ADK: variants seen among roughly 807,000 people sequenced by gnomAD.
ADK encodes the protein N6,N6-dimethyladenosine kinase.
ADK carries 24 observed loss-of-function variants against 44.7 expected under a neutral mutation model. The observed-to-expected ratio is 0.54, with a 90% CI of 0.39 to 0.76. The LOEUF (loss-of-function observed/expected upper bound fraction) is 0.76. Ranked by LOEUF, ADK falls within the 30% of genes least tolerant of loss-of-function variation. The pLI, the probability that ADK is intolerant of heterozygous loss-of-function variation, is 0.00. For synonymous variants in ADK, 128 were observed against 142.6 expected, an observed-to-expected ratio of 0.90 and a Z score of 0.73; for missense variants, 321 against 425.1, an observed-to-expected ratio of 0.76 and a Z score of 2.15.
chr10:74,339,861 T>C (rs1203397035), intron 4 of ADK, among the ~76,000 whole-genome samples: 1 of 152,180 alleles, frequency 6.6e-6, no homozygotes, highest in Non-Finnish European at 1.5e-5. Flanking sequence ...ATAAATCACT[T>C]TCACAGATTT....
intron 4 of ADK, among the ~76,000 whole-genome samples, chr10:74,384,397 C>T (rs1198783723): frequency 6.6e-6 from 1 of 152,248 alleles, no homozygotes; most frequent in African/African-American, 2.4e-5. Flanking sequence ...AGGCTGGGCA[C>T]GGTTGCTCAC....
chr10:74,333,790 ATAAT>A (rs1841313969), intron 4 of ADK, among the ~76,000 whole-genome samples: 3 of 152,180 alleles, frequency 2.0e-5, no homozygotes, highest in South Asian at 4.1e-4. Flanking sequence ...ATCTGAAAGT[ATAAT>A]TAATTAACCT....
chr10:74,206,463 A>G (rs960367235), intron 2 of ADK, among the ~76,000 whole-genome samples: 3 of 152,206 alleles, frequency 2.0e-5, no homozygotes, highest in Non-Finnish European at 4.4e-5. Context: ...GCTACTGGAT[A>G]AAACTGTTTT....
intron 3 of ADK, among the ~76,000 whole-genome samples, chr10:74,264,564 C>T (rs912017700): frequency 2.0e-5 from 3 of 151,986 alleles, no homozygotes; most frequent in African/African-American, 7.2e-5. Context: ...TGCCATATAT[C>T]TGTGCCTAGT....
At chr10:74,427,743 G>GTT (rs1465470433) in intron 6 of ADK, among the ~76,000 whole-genome samples, 6 of 151,984 alleles carry the variant, frequency 3.9e-5, no homozygotes, top group Non-Finnish European at 7.4e-5. Context: ...GTGTGTGTGT[G>GTT]TGTGTGTGTG....
chr10:74,635,224 G>T (rs1208057700), intron 9 of ADK, among the ~76,000 whole-genome samples: 1 of 152,186 alleles, frequency 6.6e-6, no homozygotes, highest in Non-Finnish European at 1.5e-5. Context: ...AAGATGAAGA[G>T]AAGATATTGA....
At chr10:74,274,947 T>C (rs1846615329) in intron 3 of ADK, among the ~76,000 whole-genome samples, 1 of 151,278 alleles carries the variant, frequency 6.6e-6, no homozygotes, top group South Asian at 2.1e-4. Flanking sequence ...TACAGAAGCT[T>C]ATACACCCCC....
chr10:74,285,115 T>A (rs187035999), intron 3 of ADK, among the ~76,000 whole-genome samples: 1 of 152,366 alleles, frequency 6.6e-6, no homozygotes, highest in Admixed American at 6.5e-5. Flanking sequence ...CTCAGAATTC[T>A]GAGGACTCAC....
intron 4 of ADK, among the ~76,000 whole-genome samples, chr10:74,351,503 C>T (rs559657997): frequency 1.3e-5 from 2 of 152,146 alleles, no homozygotes; most frequent in South Asian, 2.1e-4. Flanking sequence ...CTTTGAAAAC[C>T]AGCACAGACA....
At chr10:74,491,103 A>G (rs1847466867) in intron 6 of ADK, among the ~76,000 whole-genome samples, 1 of 152,138 alleles carries the variant, frequency 6.6e-6, no homozygotes, top group Admixed American at 6.6e-5. Context: ...TGTCGATTAA[A>G]TATTAAATAC....
rs1209669270 is a variant in ADK at position 74,525,385 on chromosome 10, A to T, written c.685A>T (p.Lys229Ter). 2 of 1,613,638 alleles carry T rather than the reference A, an allele frequency of 1.2e-6. No homozygotes were observed. Among genetic ancestry groups the T allele is most frequent in the Non-Finnish European group, 8.5e-7 (1 of 1,179,860 alleles). The stretch of plus-strand genomic sequence containing the variant: ...CCAGTTCTACAAGGAATCATTGATG[A>T]AAGTTATGCCTTATGTTGATATACT... Reference protein sequence around the residue: ...ISQFYKESLMKVMPYVDILFG... With the variant: ...ISQFYKESLM The change falls in exon 7 of 11, where the codon AAA (lysine) becomes TAA (stop). Residue 229 changes from lysine to a stop codon, truncating the protein, a stop_gained. Transcript: ENST00000539909. LOFTEE classifies it high-confidence loss of function.
chr10:74,679,380 A>G (rs1282398135), intron 10 of ADK, among the ~76,000 whole-genome samples: 2 of 152,178 alleles, frequency 1.3e-5, no homozygotes, highest in Non-Finnish European at 2.9e-5. Flanking sequence ...GAGGGAGTTC[A>G]GTTTTCTTTC....
intron 9 of ADK, among the ~76,000 whole-genome samples, chr10:74,623,092 T>C (rs1225101939): frequency 1.3e-5 from 2 of 152,202 alleles, no homozygotes; most frequent in African/African-American, 2.4e-5. Context: ...TGTTAACTCA[T>C]TGGCTTACAT....
chr10:74,195,692 C>CTTTTCTTTTTTTTTTTT (rs1564585525), intron 1 of ADK, among the ~76,000 whole-genome samples: 1 of 115,242 alleles, frequency 8.7e-6, no homozygotes, highest in African/African-American at 3.7e-5. Flanking sequence ...TTCTTTCTTT[C>CTTTTCTTTTTTTTTTTT]TTTTTCTTTT....
At chr10:74,482,252 C>A (rs1187903967) in intron 6 of ADK, among the ~76,000 whole-genome samples, 4 of 152,112 alleles carry the variant, frequency 2.6e-5, no homozygotes, top group Admixed American at 1.3e-4. Context: ...GGGAAGCAGG[C>A]ACATCTTACA....
chr10:74,371,849 T>C (rs1842669191), intron 4 of ADK: 3 of 1,342,262 alleles, frequency 2.2e-6, no homozygotes, highest in Non-Finnish European at 3.2e-6. Flanking sequence ...ACTTCACTCC[T>C]GGAACCTTCA....
chr10:74,268,807 T>G (rs1421455363), intron 3 of ADK, among the ~76,000 whole-genome samples: 1 of 152,238 alleles, frequency 6.6e-6, no homozygotes, highest in Non-Finnish European at 1.5e-5. Context: ...ATTTTTATCC[T>G]AGTACTTAAT....
At chr10:74,369,554 T>G (rs983030250) in intron 4 of ADK, among the ~76,000 whole-genome samples, 5 of 152,218 alleles carry the variant, frequency 3.3e-5, no homozygotes, top group African/African-American at 1.2e-4. Context: ...TGTTTATTTC[T>G]TAAGACACAG....
At chr10:74,297,938 C>T (rs1004254715) in intron 3 of ADK, among the ~76,000 whole-genome samples, 2 of 152,206 alleles carry the variant, frequency 1.3e-5, no homozygotes, top group African/African-American at 2.4e-5. Context: ...TATAATTCAA[C>T]AGTGTTTCAA....
Sources: allele counts gnomAD v4.1 joint callset (sites outside exome capture counted in the v4.1 genomes callset), GRCh38; gene constraint gnomAD v4.1.1; transcripts MANE v1.5; gene names NCBI Gene and HGNC (gene_info 2026-07-23, HGNC 2026-07-21).